The following UBE2H variants were observed in gnomAD, a reference collection of about 807,000 sequenced individuals.
UBE2H encodes ubiquitin-conjugating enzyme E2 H.
UBE2H carries 3 observed loss-of-function variants against 29.0 expected under a neutral mutation model. The ratio of observed to expected loss-of-function variants is 0.10; its 90% CI spans 0.05 to 0.27. The LOEUF (loss-of-function observed/expected upper bound fraction) is 0.27, where lower values mean the gene tolerates loss of function less well. Ranked by LOEUF, UBE2H falls within the 10% of genes least tolerant of loss-of-function variation. The pLI is 1.00. For synonymous variants in UBE2H, 69 were observed against 82.9 expected (o/e 0.83, Z 0.91); for missense variants, 68 against 228.2 (o/e 0.30, Z 4.52).
chr7:129,938,413 CAAAAAAAAA>C (rs34454670), intron 1 of UBE2H, among the ~76,000 whole-genome samples: 21 of 38,040 alleles, frequency 5.5e-4, no homozygotes, highest in East Asian at 2.5e-3. Context: ...CTGCCTCATT[CAAAAAAAAA>C]AAAAAAAAAA....
chr7:129,840,765 C>A (rs1370723897), intron 5 of UBE2H, among the ~76,000 whole-genome samples: 2 of 152,174 alleles, frequency 1.3e-5, no homozygotes, highest in African/African-American at 2.4e-5. Context: ...GGAGACAATG[C>A]TGAAGTATAC....
At chr7:129,952,333 C>T (rs758742722) in intron 1 of UBE2H, among the ~76,000 whole-genome samples, 170 bp downstream of exon 1, 27 of 152,092 alleles carry the variant, frequency 1.8e-4, no homozygotes, top group Non-Finnish European at 3.7e-4. Flanking sequence ...GCTGAAAAGG[C>T]TCTCGGCCCC....
chr7:129,903,160 T>G (rs1275569562), intron 1 of UBE2H, among the ~76,000 whole-genome samples: 2 of 152,156 alleles, frequency 1.3e-5, no homozygotes, highest in African/African-American at 4.8e-5. Context: ...AAACACTAGT[T>G]TAAAGCACAA....
At chr7:129,891,299 C>T (rs181756850) in intron 1 of UBE2H, among the ~76,000 whole-genome samples, 2 of 152,010 alleles carry the variant, frequency 1.3e-5, no homozygotes, top group East Asian at 3.9e-4. Context: ...GAGTCTCCTG[C>T]CTCAACCTCC....
intron 5 of UBE2H, among the ~76,000 whole-genome samples, chr7:129,854,067 T>TGTTTTTTTG (rs977367445): frequency 2.0e-5 from 3 of 148,784 alleles, no homozygotes; most frequent in African/African-American, 7.4e-5. Context: ...TTAGTTTTTT[T>TGTTTTTTTG]TTTTTTTTTT....
intron 1 of UBE2H, among the ~76,000 whole-genome samples, chr7:129,901,595 T>C (rs1350644899): frequency 6.6e-6 from 1 of 152,090 alleles, no homozygotes; most frequent in African/African-American, 2.4e-5. Flanking sequence ...ATATTTCCAA[T>C]CTAGTAGATG....
At chr7:129,947,963 G>A (rs1406298297) in intron 1 of UBE2H, among the ~76,000 whole-genome samples, 1 of 151,798 alleles carries the variant, frequency 6.6e-6, no homozygotes, top group Admixed American at 6.6e-5. Flanking sequence ...AGCTATTCTC[G>A]TGACTCAGCC....
chr7:129,886,115 T>C (rs536667198), intron 1 of UBE2H, among the ~76,000 whole-genome samples: 48 of 152,264 alleles, frequency 3.2e-4, no homozygotes, highest in Admixed American at 1.7e-3. Flanking sequence ...CCTTCAGACA[T>C]TGTTCTGGTA....
chr7:129,868,215 G>A (rs1805952529), intron 3 of UBE2H, among the ~76,000 whole-genome samples: 1 of 152,202 alleles, frequency 6.6e-6, no homozygotes, highest in Non-Finnish European at 1.5e-5. Flanking sequence ...AACCTAGGCA[G>A]CAAGTGTGAT....
At chr7:129,838,798 C>T (rs1164536240) in intron 6 of UBE2H, among the ~76,000 whole-genome samples, 3 of 152,140 alleles carry the variant, frequency 2.0e-5, no homozygotes. Flanking sequence ...GCCACCACAC[C>T]AGGCTAATTT....
chr7:129,838,657 A>G (rs921928682), intron 6 of UBE2H, among the ~76,000 whole-genome samples: 3 of 152,068 alleles, frequency 2.0e-5, no homozygotes, highest in Non-Finnish European at 4.4e-5. Context: ...TTTCTTTTTT[A>G]AAGACAGAAT....
chr7:129,909,789 T>C (rs1563042850), intron 1 of UBE2H, among the ~76,000 whole-genome samples: 1 of 152,086 alleles, frequency 6.6e-6, no homozygotes, highest in African/African-American at 2.4e-5. Flanking sequence ...CCAGACGCAA[T>C]ACAAACAGTT....
chr7:129,842,226 T>C (rs929230001), intron 5 of UBE2H, among the ~76,000 whole-genome samples: 1 of 152,290 alleles, frequency 6.6e-6, no homozygotes, highest in Admixed American at 6.5e-5. Flanking sequence ...AGGCCAGGAG[T>C]TCGAGACCAG....
chr7:129,850,580 G>T (rs1216342886), intron 5 of UBE2H, among the ~76,000 whole-genome samples: 1 of 152,186 alleles, frequency 6.6e-6, no homozygotes, highest in Non-Finnish European at 1.5e-5. Flanking sequence ...TACTTTGGGA[G>T]GCCGAGGCAG....
chr7:129,910,127 G>A (rs1192212369), intron 1 of UBE2H, among the ~76,000 whole-genome samples: 1 of 151,896 alleles, frequency 6.6e-6, no homozygotes, highest in Non-Finnish European at 1.5e-5. Flanking sequence ...TCGGGAGTTC[G>A]AGACCAGTCT....
chr7:129,848,613 C>T (rs543558285), intron 5 of UBE2H, among the ~76,000 whole-genome samples: 1 of 152,308 alleles, frequency 6.6e-6, no homozygotes, highest in South Asian at 2.1e-4. Flanking sequence ...GAATTTCACC[C>T]AAGTTATTCA....
chr7:129,871,269 C>T (rs1168670659), intron 3 of UBE2H, among the ~76,000 whole-genome samples: 1 of 152,198 alleles, frequency 6.6e-6, no homozygotes, highest in Non-Finnish European at 1.5e-5. Flanking sequence ...CCTCAGCTGC[C>T]AGACATAATT....
intron 1 of UBE2H, among the ~76,000 whole-genome samples, chr7:129,940,816 C>T (rs184641565): frequency 8.6e-4 from 131 of 152,304 alleles, no homozygotes; most frequent in African/African-American, 3.1e-3. Context: ...AGTACCTGGG[C>T]CCCCAAAAGC....
intron 1 of UBE2H, among the ~76,000 whole-genome samples, chr7:129,901,776 AG>A (rs1472207753): frequency 6.6e-6 from 1 of 152,050 alleles, no homozygotes; most frequent in African/African-American, 2.4e-5. Context: ...TTGTATTTTT[AG>A]TAGAGATGAG....
Sources: allele counts gnomAD v4.1 joint callset (sites outside exome capture counted in the v4.1 genomes callset), GRCh38; gene constraint gnomAD v4.1.1; transcripts MANE v1.5; gene names NCBI Gene and HGNC (gene_info 2026-07-23, HGNC 2026-07-21).